POM121: variants seen among roughly 807,000 people sequenced by gnomAD.
POM121 encodes POM121 transmembrane nucleoporin.
In POM121, 32 loss-of-function variants were observed where a neutral mutation model predicts 81.3. The ratio of observed to expected loss-of-function variants is 0.39; its 90% CI spans 0.30 to 0.53. The LOEUF is 0.53. POM121 is among the 20% of genes least tolerant of loss of function. The pLI is 0.66. For missense variants in POM121, 1,138 were observed against 1,614.6 expected, an observed-to-expected ratio of 0.70 and a Z score of 5.06; for synonymous variants, 514 against 694.2, an observed-to-expected ratio of 0.74 and a Z score of 4.08.
downstream of POM121, chr7:72,948,301 A>C: frequency 6.3e-7 from 1 of 1,585,564 alleles, no homozygotes; most frequent in Non-Finnish European, 8.6e-7. Flanking sequence ...TCTATCGTAG[A>C]GTACGTTCTG....
downstream of POM121, chr7:72,949,362 G>T: frequency 3.6e-6 from 3 of 823,474 alleles, no homozygotes; most frequent in Non-Finnish European, 6.6e-6. Context: ...CCTCACGATA[G>T]CGCGGATCTA....
Position 72,926,264 on chromosome 7 carries a change from A to T in POM121, c.647A>T (p.Asp216Val). The T allele has an allele frequency of 3.2e-6, 5 of 1,556,244 alleles. No individual in the cohort carries two copies. The highest frequency in any genetic ancestry group is 4.4e-6 in the Non-Finnish European group (5 of 1,149,180). The stretch of plus-strand genomic sequence containing the variant: ...GATTTGTCTCGCATTCTCTGCAGGG[A>T]TTGTGGGACTTTACCAAATCGGTTT... ...LRPSRRPSPR[D>V]CGTLPNRFVI... The change falls in exon 2 of 13, where the codon GAT becomes GTT. Residue 216 changes from aspartate to valine, a missense_variant and splice_region_variant. By Grantham distance (152) the Asp-to-Val change is radical. This residue lies in a region of POM121 where 646 missense variants were observed against 633.5 expected (regional missense o/e 1.02). Transcript: ENST00000434423.
At chr7:72,894,192 G>A (rs1791620188) in intron 3 of POM121, among the ~76,000 whole-genome samples, 1 of 152,174 alleles carries the variant, frequency 6.6e-6, no homozygotes, top group African/African-American at 2.4e-5. Context: ...GAACCCGGGA[G>A]GCAGCAGTTG....
downstream of POM121, chr7:72,950,427 C>G (rs1360050147): frequency 1.8e-6 from 1 of 557,122 alleles, no homozygotes; most frequent in Middle Eastern, 4.9e-4. Flanking sequence ...GATTCAATCT[C>G]AAGCCCCACT....
chr7:72,934,478 G>A (rs1159302747), intron 5 of POM121, among the ~76,000 whole-genome samples: 2 of 152,140 alleles, frequency 1.3e-5, no homozygotes, highest in African/African-American at 4.8e-5. Flanking sequence ...ACAAAAAAGT[G>A]TCCTGCTCTT....
intron 3 of POM121, among the ~76,000 whole-genome samples, chr7:72,909,644 A>G (rs1436768982): frequency 6.6e-6 from 1 of 152,002 alleles, no homozygotes. Flanking sequence ...CCAGAGGCCA[A>G]TTTGTTTTTT....
At chr7:72,899,821 C>T (rs1304866688) in intron 3 of POM121, among the ~76,000 whole-genome samples, 4 of 151,718 alleles carry the variant, frequency 2.6e-5, no homozygotes, top group African/African-American at 9.7e-5. Flanking sequence ...ACTCGTGATC[C>T]ACCCACCTCG....
In POM121 at chr7:72,946,037, C is replaced by T. The variant is rs1797660257; in HGVS notation, c.3653-100C>T. On this transcript the variant is annotated intron_variant, in intron 12 of 12. Transcript: ENST00000434423. ...GCGGGGAAAGCCCTATTGAGGCACC[C>T]TGTGTTTTATTACTGGCCTGGCCTT... The T allele has an allele frequency of 2.6e-6, 4 of 1,509,890 alleles. No individual in the cohort carries two copies. In the Admixed American group the frequency reaches 9.0e-5, roughly 34 times the overall value. 93.5% of individuals were successfully genotyped at this position (1,509,890 alleles called of 1,614,324 possible).
chr7:72,934,898 T>A (rs750435346), intron 5 of POM121, among the ~76,000 whole-genome samples: 16 of 152,210 alleles, frequency 1.1e-4, no homozygotes, highest in African/African-American at 1.4e-4. Context: ...CCTACCCTTG[T>A]GCCAGTCTTT....
intron 3 of POM121, among the ~76,000 whole-genome samples, chr7:72,892,855 C>T (rs551228989): frequency 6.6e-5 from 10 of 151,976 alleles, no homozygotes; most frequent in East Asian, 1.9e-4. Flanking sequence ...TTAGTAGAGA[C>T]GGGGTTTCAC....
rs1467761343 is a variant in POM121 at position 72,943,123 on chromosome 7, G to A, written c.3130G>A (p.Ala1044Thr). ...THSAFGLKATASAFGAPASSQ... is the reference protein window; with the variant it reads ...THSAFGLKATTSAFGAPASSQ... ...CTCGGCGTTTGGGTTGAAAGCCACG[G>A]CTTCGGCCTTCGGCGCTCCCGCCAG... Residue 1044 changes from alanine to threonine, a missense_variant, in exon 11 of 13, where the codon GCT becomes ACT. By Grantham distance (58) the Ala-to-Thr change is moderately conservative (BLOSUM62 0). Coordinates refer to ENST00000434423, the MANE Select transcript of POM121 (RefSeq NM_001387691.1). The A allele has an allele frequency of 6.2e-7, 1 of 1,613,252 alleles. No individual in the cohort carries two copies. The highest frequency in any genetic ancestry group is 8.5e-7 in the Non-Finnish European group (1 of 1,179,684).
chr7:72,920,371 T>C (rs2129577112), upstream of POM121, among the ~76,000 whole-genome samples: 1 of 148,188 alleles, frequency 6.7e-6, no homozygotes, highest in African/African-American at 2.5e-5. Context: ...TTTTTTTAGT[T>C]GGAGTCTGGC....
At chr7:72,914,206 G>A (rs1221259381) in intron 4 of POM121, among the ~76,000 whole-genome samples, 1 of 152,170 alleles carries the variant, frequency 6.6e-6, no homozygotes, top group Non-Finnish European at 1.5e-5. Flanking sequence ...TTCTACATAG[G>A]TCAGTTGAAG....
intron 7 of POM121, among the ~76,000 whole-genome samples, 195 bp downstream of exon 7, chr7:72,939,604 C>G (rs1250082417): frequency 6.6e-6 from 1 of 152,186 alleles, no homozygotes; most frequent in Non-Finnish European, 1.5e-5. Context: ...CAGGGACTAA[C>G]GATTGGATAG....
intron 5 of POM121, 86 bp downstream of exon 5, chr7:72,930,197 G>A: frequency 6.8e-7 from 1 of 1,474,990 alleles, no homozygotes; most frequent in South Asian, 1.5e-5. Context: ...GCTTAGCCAT[G>A]TAATCCCAGC....
chr7:72,943,336 G>C lies in POM121; in HGVS notation c.3343G>C (p.Val1115Leu). 6.2e-7 allele frequency: 1 copy of C among 1,608,030 alleles called. No individual in the cohort carries two copies. The highest frequency in any genetic ancestry group is 8.5e-7 in the Non-Finnish European group (1 of 1,177,538). ...TGGCAGTGGGAGCTTTGGGATCAAT[G>C]TGGCCACCCCAGGCTCCAGCACCAC... ...PAGSGSFGIN[V>L]ATPGSSTTTG... The change falls in exon 11 of 13, where the codon GTG becomes CTG. Residue 1115 changes from valine to leucine, a missense_variant. Coordinates refer to ENST00000434423, the MANE Select transcript of POM121 (RefSeq NM_001387691.1).
At chr7:72,918,758 A>C (rs782246388) in intron 4 of POM121, among the ~76,000 whole-genome samples, 1 of 151,504 alleles carries the variant, frequency 6.6e-6, no homozygotes, top group Non-Finnish European at 1.5e-5. Flanking sequence ...CTGTGTCCTC[A>C]TGTGACCTTT....
At chr7:72,923,742 G>A (rs1795063651), upstream of POM121, among the ~76,000 whole-genome samples, 2 of 149,732 alleles carry the variant, frequency 1.3e-5, no homozygotes, top group Admixed American at 6.6e-5. Context: ...TGGGACTACA[G>A]GCGCCCGCCA....
At chr7:72,896,692 C>T (rs1340052228) in intron 3 of POM121, among the ~76,000 whole-genome samples, 1 of 149,248 alleles carries the variant, frequency 6.7e-6, no homozygotes, top group Non-Finnish European at 1.5e-5. Context: ...TGCTTGAAAA[C>T]CATTGCAGTA....
Sources: allele counts gnomAD v4.1 joint callset (sites outside exome capture counted in the v4.1 genomes callset), GRCh38; gene constraint gnomAD v4.1.1; regional missense constraint gnomAD v4.1.1; transcripts MANE v1.5; gene names NCBI Gene and HGNC (gene_info 2026-07-23, HGNC 2026-07-21).